The following CCDC50 variants were observed in gnomAD, a reference collection of about 807,000 sequenced individuals.
CCDC50 encodes the protein coiled-coil domain containing 50.
Under a neutral mutation model 70.2 loss-of-function variants are expected in CCDC50, and 54 were observed. The observed-to-expected ratio is 0.77, with a 90% CI of 0.62 to 0.96. The LOEUF (loss-of-function observed/expected upper bound fraction) is 0.96. Among genes scored for constraint, CCDC50 ranks in the 50% least tolerant of loss-of-function variants. The pLI, the probability that CCDC50 is intolerant of heterozygous loss-of-function variation, is 0.00. For missense variants in CCDC50, 558 were observed against 578.7 expected (o/e 0.96, Z 0.37); for synonymous variants, 216 against 198.8 (o/e 1.09, Z -0.73).
chr3:191,373,208 C>T (rs1712974895), intron 5 of CCDC50, among the ~76,000 whole-genome samples: 1 of 152,020 alleles, frequency 6.6e-6, no homozygotes, highest in Non-Finnish European at 1.5e-5. Flanking sequence ...AGGTCTCAGT[C>T]CTCAACTGTA....
rs1385275628 is a variant in CCDC50 at position 191,387,652 on chromosome 3, A to G, written c.1323-1844A>G. ...AGTACTCTTAAGAGCATTCTAGAAC[A>G]GTACCCTTAAGAGCATTCTAGATTG... On this transcript the variant is annotated intron_variant, in intron 10 of 11. Coordinates refer to ENST00000392455, the MANE Select transcript of CCDC50 (RefSeq NM_178335.3). Among the ~76,000 whole-genome samples, 5 of 152,066 alleles carry G rather than the reference A, an allele frequency of 3.3e-5. No individual in the cohort carries two copies. In the East Asian group the frequency reaches 7.7e-4, roughly 23 times the overall value.
chr3:191,372,958 G>A (rs1275633905), intron 5 of CCDC50, among the ~76,000 whole-genome samples: 3 of 151,954 alleles, frequency 2.0e-5, no homozygotes, highest in Non-Finnish European at 4.4e-5. Flanking sequence ...TGCAATTTTG[G>A]TGAAGTACTT....
At chr3:191,374,051 T>C (rs147310906) in intron 5 of CCDC50, among the ~76,000 whole-genome samples, 10 of 152,306 alleles carry the variant, frequency 6.6e-5, no homozygotes, top group African/African-American at 2.2e-4. Context: ...TTAGCTTTCA[T>C]AGCAATTTTC....
intron 1 of CCDC50, among the ~76,000 whole-genome samples, chr3:191,354,839 T>C (rs1576956610): frequency 6.6e-6 from 1 of 152,136 alleles, no homozygotes; most frequent in Non-Finnish European, 1.5e-5. Flanking sequence ...TAAAATGGGG[T>C]AGTATTTGCA....
chr3:191,381,881 A>G (rs913722774), intron 9 of CCDC50, among the ~76,000 whole-genome samples: 1 of 152,150 alleles, frequency 6.6e-6, no homozygotes, highest in Non-Finnish European at 1.5e-5. Context: ...GTTGTGAGGA[A>G]AAAGGTGTAG....
chr3:191,373,646 T>C (rs545093633), intron 5 of CCDC50, among the ~76,000 whole-genome samples: 8 of 152,242 alleles, frequency 5.3e-5, no homozygotes, highest in Admixed American at 6.5e-5. Flanking sequence ...AAAATAATAG[T>C]TTATTTAAAA....
intron 1 of CCDC50, among the ~76,000 whole-genome samples, chr3:191,346,547 A>G (rs1711931382): frequency 1.3e-5 from 2 of 152,198 alleles, no homozygotes; most frequent in Admixed American, 6.5e-5. Context: ...ATTAACCCGT[A>G]TGATATGCTA....
intron 9 of CCDC50, among the ~76,000 whole-genome samples, chr3:191,382,043 T>C (rs1713337952): frequency 6.6e-6 from 1 of 152,180 alleles, no homozygotes; most frequent in African/African-American, 2.4e-5. Flanking sequence ...TCTAATATAC[T>C]GTTTTAGTCA....
At chr3:191,329,831 C>G in intron 1 of CCDC50, 108 bp downstream of exon 1, 14 of 1,178,056 alleles carry the variant, frequency 1.2e-5, no homozygotes, top group Middle Eastern at 2.1e-4. Context: ...CGCCCGGTGC[C>G]CGCCCTGCGT....
intron 1 of CCDC50, among the ~76,000 whole-genome samples, chr3:191,339,769 C>T (rs1421403579): frequency 1.3e-5 from 2 of 152,200 alleles, no homozygotes; most frequent in Admixed American, 1.3e-4. Flanking sequence ...ACATGGTCTC[C>T]ATTTACTCTG....
In CCDC50 at chr3:191,329,815, G is replaced by A. The variant is rs1350381898; in HGVS notation, c.49+92G>A. 8.6e-6 allele frequency: 12 copies of A among 1,387,830 alleles called. 1 individual carries two copies. The Middle Eastern group carries it at 1.5e-3, about 173-fold the overall frequency. 86.0% of individuals were successfully genotyped at this position (1,387,830 alleles called of 1,614,324 possible). ...GGGGCGTTGCCATTTCGGCTCCCGCGGCCCTCGCCCGGTGCCCGCCCTGCG... is the reference window on the plus strand; with the variant it reads ...GGGGCGTTGCCATTTCGGCTCCCGCAGCCCTCGCCCGGTGCCCGCCCTGCG... On this transcript the variant is annotated intron_variant, in intron 1 of 11. Transcript: ENST00000392455.
Position 191,375,591 on chromosome 3 carries a change from T to A in CCDC50, c.976+2T>A. ...AGCAGCTCCACCTCCATGACGCAGG[T>A]AATAGAGGACAGTCTCGATGGAAGT... On this transcript the variant is annotated splice_donor_variant, in intron 6 of 11. Transcript: ENST00000392455. LOFTEE classifies it high-confidence loss of function. The A allele has an allele frequency of 6.2e-7, 1 of 1,612,618 alleles. No individual in the cohort carries two copies. The highest frequency in any genetic ancestry group is 8.5e-7 in the Non-Finnish European group (1 of 1,179,360).
chr3:191,362,936 T>G (rs749809879), intron 4 of CCDC50, among the ~76,000 whole-genome samples: 120 of 152,302 alleles, frequency 7.9e-4, no homozygotes, highest in Non-Finnish European at 1.3e-3. Context: ...TGTTGCCTCT[T>G]TATAGTGAAG....
intron 10 of CCDC50, among the ~76,000 whole-genome samples, chr3:191,387,380 T>C (rs1236855516): frequency 6.6e-6 from 1 of 152,186 alleles, no homozygotes; most frequent in Non-Finnish European, 1.5e-5. Flanking sequence ...GCAGTCTTAA[T>C]ACAATAAAAC....
At position 191,374,184 on chromosome 3, in the gene CCDC50, G is replaced by C. The variant is rs1191371499; in HGVS notation, c.449-878G>C. 2.0e-5 allele frequency among the ~76,000 whole-genome samples: 3 copies of C among 152,006 alleles called. No homozygotes were observed. The East Asian group carries it at 5.8e-4, about 29-fold the overall frequency. Reference sequence around the variant, plus strand: ...CTGCCTTTGTCTTCACATTATACTTGTGCCTAAAAAAGACCTGAAAAAGAA... The same window carrying C: ...CTGCCTTTGTCTTCACATTATACTTCTGCCTAAAAAAGACCTGAAAAAGAA... On this transcript the variant is annotated intron_variant, in intron 5 of 11. Coordinates refer to ENST00000392455, the MANE Select transcript of CCDC50 (RefSeq NM_178335.3).
intron 5 of CCDC50, 90 bp downstream of exon 5, chr3:191,370,126 C>T: frequency 1.1e-6 from 1 of 887,888 alleles, no homozygotes; most frequent in East Asian, 2.4e-5. Context: ...CCTTAGGGAC[C>T]TGGGACTGTT....
chr3:191,379,859 C>T lies in CCDC50; in HGVS notation c.977-300C>T, dbSNP rs572322267. Among the ~76,000 whole-genome samples the T allele has an allele frequency of 2.0e-5, 3 of 151,824 alleles. No individual in the cohort carries two copies. In the East Asian group the frequency reaches 5.8e-4, roughly 29 times the overall value. ...ACTTTTTTTTCACTTTGTATTTTTC[C>T]AGGGCCTCACTTGCAACTTCTTACA... is the stretch of plus-strand genomic sequence containing the variant. On this transcript the variant is annotated intron_variant, in intron 6 of 11. Transcript: ENST00000392455.
intron 5 of CCDC50, 108 bp downstream of exon 5, chr3:191,370,144 T>C: frequency 1.3e-6 from 1 of 776,508 alleles, no homozygotes; most frequent in Non-Finnish European, 2.3e-6. Context: ...GTTTCTCTTA[T>C]CCCCAGGCAC....
intron 3 of CCDC50, 152 bp from the exon 4 acceptor site, chr3:191,360,917 G>A (rs966920324): frequency 2.7e-5 from 16 of 600,988 alleles, no homozygotes; most frequent in East Asian, 2.0e-4. Flanking sequence ...AAATGTGACC[G>A]TGTCAGCCTC....
Sources: gnomAD v4.1 joint callset for allele counts (sites outside exome capture counted in the v4.1 genomes callset) on GRCh38, gnomAD v4.1.1 for gene constraint, MANE v1.5 for transcripts, NCBI Gene and HGNC (gene_info 2026-07-23, HGNC 2026-07-21) for gene names.